Variants in MGAT4C observed in about 807,000 individuals in gnomAD.
The protein encoded by MGAT4C is MGAT4 family member C.
In MGAT4C, 19 loss-of-function variants were observed where a neutral mutation model predicts 40.1. The observed-to-expected ratio is 0.47, with a 90% CI of 0.33 to 0.70. MGAT4C has a LOEUF of 0.70. Ranked by LOEUF, MGAT4C falls within the 30% of genes least tolerant of loss-of-function variation. The pLI, the probability that MGAT4C is intolerant of heterozygous loss-of-function variation, is 0.02. For missense variants in MGAT4C, 491 were observed against 563.2 expected, an observed-to-expected ratio of 0.87 and a Z score of 1.30; for synonymous variants, 181 against 187.1, an observed-to-expected ratio of 0.97 and a Z score of 0.27.
intron 1 of MGAT4C, among the ~76,000 whole-genome samples, chr12:86,767,597 C>T (rs1229326036): frequency 6.6e-6 from 1 of 152,168 alleles, no homozygotes; most frequent in African/African-American, 2.4e-5. Context: ...CCTTGATGAA[C>T]ACTGATGCAA....
rs911383418 is a variant in MGAT4C at position 85,965,504 on chromosome 12, G to A, written c.*13785C>T. ...CCCAGCTACTCGGGAGGCTGAGGCA[G>A]GAGAATGGCGTGACCCCAGGAGGTG... On this transcript the variant is annotated 3_prime_UTR_variant, in exon 5 of 5. Transcript: ENST00000611864. 6.6e-6 allele frequency: 1 copy of A among 150,586 alleles called. No individual in the cohort carries two copies. The highest frequency in any genetic ancestry group is 2.4e-5 in the African/African-American group (1 of 40,848). 9.3% of individuals were successfully genotyped at this position (150,586 alleles called of 1,614,324 possible). A position where few individuals can be genotyped will look rare whatever the true frequency, so the allele number is the denominator to read the frequency against.
intron 2 of MGAT4C, among the ~76,000 whole-genome samples, chr12:86,484,574 T>A (rs1026658649): frequency 6.6e-6 from 1 of 152,144 alleles, no homozygotes. Context: ...TGAGTGTTGA[T>A]CCCAATCCCT....
At position 86,699,061 on chromosome 12, in the gene MGAT4C, T is replaced by A. The variant is rs1950310320; in HGVS notation, c.-229+28148A>T. Among the ~76,000 whole-genome samples, 3 of 152,132 alleles carry A rather than the reference T, an allele frequency of 2.0e-5. No individual in the cohort carries two copies. In the South Asian group the frequency reaches 6.2e-4, roughly 31 times the overall value. The stretch of plus-strand genomic sequence containing the variant: ...ATTAATTTATATTGCAAAAGAAATG[T>A]TAAAATTCTAATCATTCTTCATCAT... On this transcript the variant is annotated intron_variant, in intron 2 of 7. Transcript: ENST00000548651.
intron 1 of MGAT4C, among the ~76,000 whole-genome samples, chr12:86,786,428 T>A (rs1211871764): frequency 1.3e-5 from 2 of 152,184 alleles, no homozygotes; most frequent in African/African-American, 4.8e-5. Flanking sequence ...TATTTTTTCT[T>A]TTTTTTGGTT....
chr12:86,139,827 C>T (rs1346396462), intron 1 of MGAT4C, among the ~76,000 whole-genome samples: 1 of 152,124 alleles, frequency 6.6e-6, no homozygotes, highest in Non-Finnish European at 1.5e-5. Flanking sequence ...CATAATCCTA[C>T]CTGCAGTGCA....
chr12:86,665,592 T>C (rs745600339), intron 2 of MGAT4C, among the ~76,000 whole-genome samples: 1 of 152,246 alleles, frequency 6.6e-6, no homozygotes, highest in Admixed American at 6.5e-5. Context: ...TTAGCCAGGA[T>C]GTTCTCCTGA....
chr12:86,830,291 A>G (rs1952895914), intron 1 of MGAT4C, among the ~76,000 whole-genome samples: 2 of 151,434 alleles, frequency 1.3e-5, no homozygotes, highest in South Asian at 4.2e-4. Context: ...TGCCCCTGTC[A>G]TGGGGTCTGA....
At chr12:86,695,702 T>C (rs1215139234) in intron 2 of MGAT4C, among the ~76,000 whole-genome samples, 1 of 152,070 alleles carries the variant, frequency 6.6e-6, no homozygotes, top group African/African-American at 2.4e-5. Flanking sequence ...TCTCACTTAT[T>C]TGTGGGATCT....
intron 2 of MGAT4C, among the ~76,000 whole-genome samples, chr12:86,029,885 T>A (rs977737616): frequency 6.6e-6 from 1 of 151,824 alleles, no homozygotes. Flanking sequence ...TTAATTTTAT[T>A]ACATATAACC....
intron 1 of MGAT4C, among the ~76,000 whole-genome samples, chr12:86,769,901 T>C (rs969052639): frequency 2.6e-5 from 4 of 152,006 alleles, no homozygotes; most frequent in Non-Finnish European, 5.9e-5. Context: ...TTAGGAGATA[T>C]ACCTAATGCT....
At chr12:86,032,751 A>G (rs1203008520) in intron 2 of MGAT4C, among the ~76,000 whole-genome samples, 1 of 149,812 alleles carries the variant, frequency 6.7e-6, no homozygotes, top group Admixed American at 6.7e-5. Context: ...TTCACTGCGC[A>G]GAAGCTTTTC....
intron 2 of MGAT4C, among the ~76,000 whole-genome samples, chr12:86,703,636 G>A (rs1950402356): frequency 6.6e-6 from 1 of 152,142 alleles, no homozygotes; most frequent in African/African-American, 2.4e-5. Context: ...ATAGACTACA[G>A]TGTAGTAGAA....
chr12:86,714,837 GA>G (rs1212503778), intron 2 of MGAT4C, among the ~76,000 whole-genome samples: 1 of 148,656 alleles, frequency 6.7e-6, no homozygotes, highest in African/African-American at 2.5e-5. Context: ...TAGGAAGGAA[GA>G]AAGGGTAGAA....
chr12:86,747,143 C>T (rs947604459), intron 1 of MGAT4C, among the ~76,000 whole-genome samples: 21 of 151,580 alleles, frequency 1.4e-4, no homozygotes, highest in Non-Finnish European at 3.1e-4. Flanking sequence ...TCCTCCAGTG[C>T]TCCTTATCCT....
chr12:86,721,122 A>G (rs2136644233), intron 2 of MGAT4C, among the ~76,000 whole-genome samples: 1 of 152,260 alleles, frequency 6.6e-6, no homozygotes, highest in East Asian at 1.9e-4. Context: ...TGAAAAACTA[A>G]AGGGGAAACA....
At chr12:86,468,151 A>C (rs967103587) in intron 2 of MGAT4C, among the ~76,000 whole-genome samples, 16 of 152,060 alleles carry the variant, frequency 1.1e-4, no homozygotes, top group African/African-American at 3.6e-4. Context: ...AATATATCTA[A>C]AATAAAACTC....
intron 1 of MGAT4C, among the ~76,000 whole-genome samples, chr12:86,774,327 C>CTTTCTTTCTTTCTTTCTTTCTTTCT (rs1565981576): frequency 9.8e-6 from 1 of 102,510 alleles, no homozygotes; most frequent in Non-Finnish European, 2.0e-5. Context: ...TTCTTTCTTT[C>CTTTCTTTCTTTCTTTCTTTCTTTCT]TTTCTTTCTT....
intron 2 of MGAT4C, among the ~76,000 whole-genome samples, chr12:86,639,068 A>T (rs1963304520): frequency 6.6e-6 from 1 of 151,718 alleles, no homozygotes; most frequent in Admixed American, 6.6e-5. Flanking sequence ...CTCAATAATC[A>T]CTTTGGCCCT....
At chr12:86,098,828 C>T (rs746736800) in intron 1 of MGAT4C, among the ~76,000 whole-genome samples, 21 of 151,438 alleles carry the variant, frequency 1.4e-4, no homozygotes, top group Non-Finnish European at 2.8e-4. Context: ...CATTTATATA[C>T]TAAGCTAATT....
Sources: allele counts gnomAD v4.1 joint callset (sites outside exome capture counted in the v4.1 genomes callset), GRCh38; gene constraint gnomAD v4.1.1; transcripts MANE v1.5; gene names NCBI Gene and HGNC (gene_info 2026-07-23, HGNC 2026-07-21).